Variants in DLG2 observed in about 807,000 individuals in gnomAD.
DLG2 encodes disks large homolog 2.
A neutral mutation model predicts 132.5 loss-of-function variants in DLG2; 45 were observed. The observed-to-expected ratio is 0.34, with a 90% CI of 0.27 to 0.44. The LOEUF (loss-of-function observed/expected upper bound fraction) is 0.44, where lower values mean the gene tolerates loss of function less well. Among genes scored for constraint, DLG2 ranks in the 20% least tolerant of loss-of-function variants. DLG2 has a pLI of 1.00. For missense variants in DLG2, 1,045 were observed against 1,196.9 expected, an observed-to-expected ratio of 0.87 and a Z score of 1.87; for synonymous variants, 424 against 419.6, an observed-to-expected ratio of 1.01 and a Z score of -0.13.
At chr11:83,548,890 T>C (rs772230150) in intron 19 of DLG2, among the ~76,000 whole-genome samples, 6 of 152,156 alleles carry the variant, frequency 3.9e-5, no homozygotes, top group Non-Finnish European at 5.9e-5. Flanking sequence ...TGGGAATATG[T>C]CTTATCTCCT....
At chr11:84,904,017 T>C (rs1024170771) in intron 6 of DLG2, among the ~76,000 whole-genome samples, 6 of 152,158 alleles carry the variant, frequency 3.9e-5, no homozygotes, top group African/African-American at 9.7e-5. Context: ...TTCAACATTA[T>C]TGAGAACGTA....
intron 3 of DLG2, among the ~76,000 whole-genome samples, chr11:85,447,132 C>A (rs1276426278): frequency 6.6e-6 from 1 of 152,128 alleles, no homozygotes; most frequent in East Asian, 1.9e-4. Flanking sequence ...AGTTGTATAA[C>A]TAATCTTACA....
chr11:84,578,262 T>C (rs1157870027), intron 6 of DLG2, among the ~76,000 whole-genome samples: 4 of 152,102 alleles, frequency 2.6e-5, no homozygotes, highest in Admixed American at 2.6e-4. Context: ...GGGCACTGCC[T>C]AGTGGAGCTG....
At chr11:85,031,842 AGCAGTATCTTG>A (rs1377952317) in intron 6 of DLG2, among the ~76,000 whole-genome samples, 5 of 150,502 alleles carry the variant, frequency 3.3e-5, no homozygotes, top group African/African-American at 1.2e-4. Flanking sequence ...GGAGTGCAGT[AGCAGTATCTTG>A]GCTCACTGAA....
At chr11:84,834,247 C>T (rs957525332) in intron 6 of DLG2, among the ~76,000 whole-genome samples, 1 of 151,598 alleles carries the variant, frequency 6.6e-6, no homozygotes, top group Non-Finnish European at 1.5e-5. Flanking sequence ...CAAATCTATT[C>T]TGAAAACTCA....
intron 7 of DLG2, among the ~76,000 whole-genome samples, chr11:84,283,968 C>T (rs760152538): frequency 1.3e-5 from 2 of 152,164 alleles, no homozygotes; most frequent in African/African-American, 2.4e-5. Context: ...GGTCCAGGCA[C>T]GGTGGCTCAT....
chr11:84,841,364 T>G (rs940877836), intron 6 of DLG2, among the ~76,000 whole-genome samples: 1 of 152,018 alleles, frequency 6.6e-6, no homozygotes, highest in Non-Finnish European at 1.5e-5. Context: ...GTTTGAAGTA[T>G]ATGCATGAGA....
chr11:85,040,887 C>T (rs2061803207), intron 6 of DLG2, among the ~76,000 whole-genome samples: 1 of 151,718 alleles, frequency 6.6e-6, no homozygotes, highest in Non-Finnish European at 1.5e-5. Context: ...TAGTATTATT[C>T]CTATTTTATA....
intron 6 of DLG2, among the ~76,000 whole-genome samples, chr11:84,564,351 C>T (rs2099441351): frequency 1.3e-5 from 2 of 152,254 alleles, no homozygotes; most frequent in Middle Eastern, 3.4e-3. Context: ...GGATCAGAGT[C>T]AACCTCAGGG....
At chr11:84,179,037 G>A (rs2096051437) in intron 8 of DLG2, among the ~76,000 whole-genome samples, 1 of 151,952 alleles carries the variant, frequency 6.6e-6, no homozygotes, top group South Asian at 2.1e-4. Flanking sequence ...TCCAGATGTT[G>A]GAATTAGCTA....
chr11:84,702,063 C>A (rs1323216244), intron 6 of DLG2, among the ~76,000 whole-genome samples: 3 of 151,558 alleles, frequency 2.0e-5, no homozygotes, highest in Admixed American at 6.6e-5. Flanking sequence ...CTAGCACAAA[C>A]CTGGAAAATA....
intron 16 of DLG2, among the ~76,000 whole-genome samples, chr11:83,847,896 T>C (rs1278869977): frequency 6.6e-6 from 1 of 152,242 alleles, no homozygotes; most frequent in African/African-American, 2.4e-5. Flanking sequence ...CCTCTCTGTA[T>C]TTCCGTAATT....
chr11:83,874,538 T>A (rs748736008), intron 15 of DLG2, 50 bp from the exon 16 acceptor site: 81 of 1,362,574 alleles, frequency 5.9e-5, no homozygotes, highest in South Asian at 2.9e-4. Context: ...TTTTTTATTT[T>A]TTTATTTTTT....
Position 85,577,467 on chromosome 11 carries a change from T to C in DLG2, c.40+21190A>G, listed in dbSNP as rs149282881. 1.8e-3 allele frequency among the ~76,000 whole-genome samples: 276 copies of C among 152,210 alleles called. 2 individuals are homozygous for C. Among genetic ancestry groups the C allele is most frequent in the Non-Finnish European group, 3.5e-3 (236 of 68,010 alleles). On this transcript the variant is annotated intron_variant, in intron 3 of 27. Coordinates refer to ENST00000376104, the MANE Select transcript of DLG2 (RefSeq NM_001142699.3). ...GGATAAATGATGATATTTATTGAGA[T>C]AGTGAAGACTAGGAGAAAAGCAAGT... is the stretch of plus-strand genomic sequence containing the variant.
chr11:83,683,294 T>C (rs2079145685), intron 18 of DLG2, among the ~76,000 whole-genome samples: 1 of 152,218 alleles, frequency 6.6e-6, no homozygotes. Flanking sequence ...AGGTAAGTAC[T>C]ATCATGAGCA....
chr11:84,184,352 C>T (rs757416195), intron 8 of DLG2, among the ~76,000 whole-genome samples: 14 of 151,984 alleles, frequency 9.2e-5, no homozygotes, highest in East Asian at 3.9e-4. Flanking sequence ...TTTCATGTGT[C>T]TTTTGGCTGC....
intron 6 of DLG2, among the ~76,000 whole-genome samples, chr11:84,592,095 C>G (rs2099544743): frequency 6.6e-6 from 1 of 152,158 alleles, no homozygotes; most frequent in Non-Finnish European, 1.5e-5. Flanking sequence ...CTCAAACAAT[C>G]TGCCCCTACC....
intron 21 of DLG2, among the ~76,000 whole-genome samples, chr11:83,494,243 C>A (rs1173811658): frequency 6.6e-6 from 1 of 151,066 alleles, no homozygotes; most frequent in Non-Finnish European, 1.5e-5. Context: ...ATAGACTAAC[C>A]AAAATGAATT....
At chr11:84,964,388 C>CGT (rs1454317674) in intron 6 of DLG2, among the ~76,000 whole-genome samples, 1 of 152,066 alleles carries the variant, frequency 6.6e-6, no homozygotes, top group Non-Finnish European at 1.5e-5. Context: ...TGCCACTACT[C>CGT]ATAAACAATA....
Sources: gnomAD v4.1 joint callset for allele counts (sites outside exome capture counted in the v4.1 genomes callset) on GRCh38, gnomAD v4.1.1 for gene constraint, MANE v1.5 for transcripts, NCBI Gene and HGNC (gene_info 2026-07-23, HGNC 2026-07-21) for gene names.